Variants in PRDM9 observed in about 807,000 individuals in gnomAD.
PRDM9 encodes the protein histone-lysine N-methyltransferase PRDM9.
Under a neutral mutation model 55.6 loss-of-function variants are expected in PRDM9, and 47 were observed. The ratio of observed to expected loss-of-function variants is 0.85; its 90% CI spans 0.67 to 1.08. The LOEUF (loss-of-function observed/expected upper bound fraction) is 1.08, where lower values mean the gene tolerates loss of function less well. PRDM9 is among the 50% of genes least tolerant of loss of function. The pLI is 0.00. For synonymous variants in PRDM9, 312 were observed against 375.7 expected, an observed-to-expected ratio of 0.83 and a Z score of 1.96; for missense variants, 867 against 1,040.3, an observed-to-expected ratio of 0.83 and a Z score of 2.29.
chr5:23,524,502 G>A lies in PRDM9; in HGVS notation c.1119G>A (p.Trp373Ter). 1 of 1,613,894 alleles carries A rather than the reference G, an allele frequency of 6.2e-7. No individual in the cohort carries two copies. The highest frequency in any genetic ancestry group is 8.5e-7 in the Non-Finnish European group (1 of 1,179,862). The part of the protein sequence containing the change: ...QELGIKWGSK[W>*]KKELMAGREP... ...TGGGCATCAAGTGGGGCAGCAAGTGGAAGAAAGAGCTCATGGCAGGGAGAG... is the reference window on the plus strand; with the variant it reads ...TGGGCATCAAGTGGGGCAGCAAGTGAAAGAAAGAGCTCATGGCAGGGAGAG... The change falls in exon 10 of 11, where the codon TGG (tryptophan) becomes TGA (stop). Residue 373 changes from tryptophan (W) to a stop codon, truncating the protein, a stop_gained. Transcript: ENST00000296682. LOFTEE classifies it low-confidence loss of function (END_TRUNC).
chr5:23,526,386 G>A lies in PRDM9; in HGVS notation c.1298G>A (p.Gly433Glu), dbSNP rs1739429778. Residue 433 changes from glycine to glutamate, a missense_variant, in exon 11 of 11, where the codon GGG (glycine) becomes GAG (glutamate). Gly to Glu is a moderately conservative substitution (Grantham distance 98, BLOSUM62 -2). Coordinates refer to ENST00000296682, the MANE Select transcript of PRDM9 (RefSeq NM_020227.4). ...KLLQPENPCPGDQNQEQQYPD... is the reference protein window; with the variant it reads ...KLLQPENPCPEDQNQEQQYPD... Reference sequence around the variant, plus strand: ...CTCCAACCAGAGAATCCCTGCCCAGGGGATCAGAATCAGGAGCAGCAATAT... The same window carrying A: ...CTCCAACCAGAGAATCCCTGCCCAGAGGATCAGAATCAGGAGCAGCAATAT... 6.2e-7 allele frequency: 1 copy of A among 1,614,136 alleles called. No individual in the cohort carries two copies. Among genetic ancestry groups the A allele is most frequent in the Non-Finnish European group, 8.5e-7 (1 of 1,180,026 alleles).
intron 5 of PRDM9, among the ~76,000 whole-genome samples, chr5:23,520,043 C>CA (rs1170726885): frequency 0.018 from 485 of 27,580 alleles, no homozygotes; most frequent in Admixed American, 0.022. Context: ...GACTCCCTCT[C>CA]AAAAAAATAA....
intron 4 of PRDM9, among the ~76,000 whole-genome samples, chr5:23,517,404 G>A (rs887112680): frequency 6.6e-6 from 1 of 152,006 alleles, no homozygotes; most frequent in Non-Finnish European, 1.5e-5. Context: ...AGGCCTTAAT[G>A]ATACTTCAGA....
intron 10 of PRDM9, among the ~76,000 whole-genome samples, chr5:23,525,930 G>A (rs1739419904): frequency 6.6e-6 from 1 of 152,136 alleles, no homozygotes; most frequent in Non-Finnish European, 1.5e-5. Flanking sequence ...CTGCAGTGTG[G>A]GGAAAAGGTC....
intron 5 of PRDM9, among the ~76,000 whole-genome samples, chr5:23,519,819 A>G (rs2126422554): frequency 6.6e-6 from 1 of 151,690 alleles, no homozygotes; most frequent in East Asian, 2.0e-4. Context: ...GGAGGTGGGC[A>G]GATCACCCGA....
In PRDM9 at chr5:23,524,531, G is replaced by A. The variant is rs372454555; in HGVS notation, c.1144+4G>A. 4.3e-6 allele frequency: 7 copies of A among 1,613,618 alleles called. No individual in the cohort carries two copies. Among genetic ancestry groups the A allele is most frequent in the Middle Eastern group, 1.6e-4 (1 of 6,078 alleles). On this transcript the variant is annotated splice_donor_region_variant and intron_variant, in intron 10 of 10. Coordinates refer to ENST00000296682, the MANE Select transcript of PRDM9 (RefSeq NM_020227.4). ...AAAGAGCTCATGGCAGGGAGAGGTAGGCATCACTATTACTCTTTTAAAAGG... is the reference window on the plus strand; with the variant it reads ...AAAGAGCTCATGGCAGGGAGAGGTAAGCATCACTATTACTCTTTTAAAAGG...
At chr5:23,522,466 T>C in intron 7 of PRDM9, 61 bp downstream of exon 7, 1 of 1,585,898 alleles carries the variant, frequency 6.3e-7, no homozygotes, top group Non-Finnish European at 8.7e-7. Context: ...AATAATTTCA[T>C]CATTTGGCCC....
At position 23,527,730 on chromosome 5, in the gene PRDM9, C is replaced by T. The variant is rs1739504178; in HGVS notation, c.2642C>T (p.Thr881Ile). The T allele has an allele frequency of 1.9e-6, 3 of 1,613,102 alleles. No homozygotes were observed. Among genetic ancestry groups the T allele is most frequent in the East Asian group, 2.2e-5 (1 of 44,790 alleles). ...DRSSLCYHQR[T>I]HTGEKPYVCR... ...TCAAGCCTCTGCTATCACCAGAGGA[C>T]ACACACAGGGGAGAAGCCCTACGTC... The change falls in exon 11 of 11, where the codon ACA becomes ATA. Residue 881 changes from threonine to isoleucine, a missense_variant. This residue lies in a region of PRDM9 where 86 missense variants were observed against 73.6 expected (regional missense o/e 1.17). Coordinates refer to ENST00000296682, the MANE Select transcript of PRDM9 (RefSeq NM_020227.4).
At position 23,522,299 on chromosome 5, in the gene PRDM9, C is replaced by T. The variant is rs772807782; in HGVS notation, c.509-5C>T. On this transcript the variant is annotated splice_region_variant and splice_polypyrimidine_tract_variant and intron_variant, in intron 6 of 10. Transcript: ENST00000296682. ...ATTTTACCCGTCTACTCTTCTCCAA[C>T]CTAGAACTCAGGAAGAAGGAGACTG... is the stretch of plus-strand genomic sequence containing the variant. 2 of 1,609,726 alleles carry T rather than the reference C, an allele frequency of 1.2e-6. No individual in the cohort carries two copies. Among genetic ancestry groups the T allele is most frequent in the Non-Finnish European group, 1.7e-6 (2 of 1,176,120 alleles).
In PRDM9 at chr5:23,527,669, G is replaced by A. The variant is rs780084938; in HGVS notation, c.2581G>A (p.Val861Ile). ...GACACACACAGGGGAGAAGCCCTACGTCTGCAGGGAGTGTGGGCGGGGCTT... is the reference window on the plus strand; with the variant it reads ...GACACACACAGGGGAGAAGCCCTACATCTGCAGGGAGTGTGGGCGGGGCTT... ...QRTHTGEKPY[V>I]CRECGRGFSD... The change falls in exon 11 of 11, where the codon GTC becomes ATC. Residue 861 changes from valine (V) to isoleucine (I), a missense_variant. Physicochemically the swap from Val to Ile is conservative, Grantham distance 29. This residue lies in a region of PRDM9 where 86 missense variants were observed against 73.6 expected (regional missense o/e 1.17). Transcript: ENST00000296682. 2 of 1,583,978 alleles carry A rather than the reference G, an allele frequency of 1.3e-6. No individual in the cohort carries two copies. Among genetic ancestry groups the A allele is most frequent in the Non-Finnish European group, 1.7e-6 (2 of 1,164,114 alleles).
chr5:23,511,320 C>CGTT lies in PRDM9; in HGVS notation c.301+1294_301+1296dup, dbSNP rs1739092294. Among the ~76,000 whole-genome samples, 3 of 152,016 alleles carry CGTT rather than the reference C, an allele frequency of 2.0e-5. 1 individual carries two copies. The South Asian group carries it at 6.2e-4, about 32-fold the overall frequency. On this transcript the variant is annotated intron_variant, in intron 4 of 10. Transcript: ENST00000296682. ...ATACAGTAAGAGGTTATTCATATAA[C>CGTT]GTTTGTTTGTTTGTTTGTTGTTTTT...
chr5:23,519,828 G>A (rs916635742), intron 5 of PRDM9, among the ~76,000 whole-genome samples: 1 of 151,926 alleles, frequency 6.6e-6, no homozygotes, highest in African/African-American at 2.4e-5. Context: ...CAGATCACCC[G>A]AAGTCAGGAG....
chr5:23,523,229 T>G, intron 8 of PRDM9, 62 bp from the exon 9 acceptor site: 2 of 1,549,852 alleles, frequency 1.3e-6, no homozygotes, highest in Non-Finnish European at 1.8e-6. Flanking sequence ...GACAGTGGAG[T>G]AAAATAATTC....
At chr5:23,510,084 T>G in intron 4 of PRDM9, 57 bp downstream of exon 4, 2 of 1,497,716 alleles carry the variant, frequency 1.3e-6, no homozygotes, top group Non-Finnish European at 1.8e-6. Context: ...GATGGAGTTT[T>G]GCTCTTTTCA....
At chr5:23,508,822 G>C (rs1203901007) in intron 1 of PRDM9, 128 bp from the exon 2 acceptor site, 2 of 594,870 alleles carry the variant, frequency 3.4e-6, no homozygotes, top group African/African-American at 3.7e-5. Flanking sequence ...TCTCCCTGGG[G>C]TGCTCGAGAC....
intron 4 of PRDM9, among the ~76,000 whole-genome samples, chr5:23,512,676 G>A (rs1346209191): frequency 1.3e-5 from 2 of 152,118 alleles, no homozygotes; most frequent in South Asian, 4.1e-4. Flanking sequence ...CAATTTTTAA[G>A]TGTACAACTT....
chr5:23,521,278 G>C (rs1303761970), intron 6 of PRDM9, 99 bp downstream of exon 6: 14 of 1,413,930 alleles, frequency 9.9e-6, no homozygotes, highest in Non-Finnish European at 1.2e-5. Context: ...GCATAGGCCT[G>C]GGCTTAAGCT....
rs906621708 is a variant in PRDM9, at chr5:23,527,948, C to T, written c.*175C>T. The T allele has an allele frequency of 1.0e-5, 9 of 858,202 alleles. No homozygotes were observed. Among genetic ancestry groups the T allele is most frequent in the Non-Finnish European group, 1.7e-5 (9 of 543,178 alleles). The allele number at this position is 858,202 out of a possible 1,614,324, so 53.2% of individuals were successfully genotyped here. ...TTAAACAAATCCGCCACTTTCATGA[C>T]TAGAGATGAGGAAGAACAAGGGATA... is the stretch of plus-strand genomic sequence containing the variant. On this transcript the variant is annotated 3_prime_UTR_variant, in exon 11 of 11. Coordinates refer to ENST00000296682, the MANE Select transcript of PRDM9 (RefSeq NM_020227.4).
intron 4 of PRDM9, among the ~76,000 whole-genome samples, chr5:23,517,512 A>T (rs1256320219): frequency 6.6e-6 from 1 of 152,116 alleles, no homozygotes; most frequent in South Asian, 2.1e-4. Flanking sequence ...TAGGCCCGGC[A>T]TGGTGGCTCA....
Sources: allele counts gnomAD v4.1 joint callset (sites outside exome capture counted in the v4.1 genomes callset), GRCh38; gene constraint gnomAD v4.1.1; regional missense constraint gnomAD v4.1.1; transcripts MANE v1.5; gene names NCBI Gene and HGNC (gene_info 2026-07-23, HGNC 2026-07-21).